Variants in SH3GLB2 observed in about 807,000 individuals in gnomAD.
SH3GLB2 encodes the protein SH3 domain containing GRB2 like, endophilin B2.
A neutral mutation model predicts 48.0 loss-of-function variants in SH3GLB2; 24 were observed. That is an observed-to-expected ratio of 0.50 (90% confidence interval 0.36 to 0.70). The LOEUF (loss-of-function observed/expected upper bound fraction) is 0.70. SH3GLB2 is among the 30% of genes least tolerant of loss of function. The probability of loss-of-function intolerance (pLI) is 0.00; values close to 1 mark genes in which losing one functional copy is unlikely to be tolerated. For synonymous variants in SH3GLB2, 227 were observed against 207.6 expected, an observed-to-expected ratio of 1.09 and a Z score of -0.80; for missense variants, 425 against 516.0, an observed-to-expected ratio of 0.82 and a Z score of 1.71.
chr9:129,009,572 G>A (rs1474556023), intron 9 of SH3GLB2, 199 bp downstream of exon 9: 1 of 1,535,056 alleles, frequency 6.5e-7, no homozygotes, highest in East Asian at 2.4e-5. Flanking sequence ...ACCCTCAGGG[G>A]CTCCAGGGGA....
intron 3 of SH3GLB2, among the ~76,000 whole-genome samples, chr9:129,015,388 C>T (rs78494589): frequency 0.032 from 4,816 of 152,180 alleles, 238 homozygotes; most frequent in African/African-American, 0.11. Context: ...ACATCCATTT[C>T]TGGACTCTGC....
intron 8 of SH3GLB2, 21 bp from the exon 9 acceptor site, chr9:129,009,892 G>A (rs1276013153): frequency 6.2e-7 from 1 of 1,605,996 alleles, no homozygotes; most frequent in East Asian, 2.2e-5. Context: ...GAGGCCAGAG[G>A]CTGACTTCTA....
chr9:129,009,393 C>A (rs765826782), intron 9 of SH3GLB2, 47 bp from the exon 10 acceptor site: 1 of 1,550,710 alleles, frequency 6.4e-7, no homozygotes, highest in Admixed American at 2.0e-5. Context: ...CCAGAAGGGA[C>A]CCCAGAGGCA....
rs978965765 is a variant in SH3GLB2, at chr9:129,007,709, T to C, written c.*975A>G. The C allele has an allele frequency of 3.9e-5, 6 of 152,246 alleles. No individual in the cohort carries two copies. The highest frequency in any genetic ancestry group is 1.2e-4 in the African/African-American group (5 of 41,452). The allele number at this position is 152,246 out of a possible 1,614,324, so 9.4% of individuals were successfully genotyped here. On this transcript the variant is annotated 3_prime_UTR_variant, in exon 11 of 11. Transcript: ENST00000372564. The stretch of plus-strand genomic sequence containing the variant: ...CACATGCTGGGTGAAACGCCCGACC[T>C]GCAGACAGCACTGACCGCTACCCAC...
chr9:129,018,891 C>CAAAAA (rs200724894), intron 3 of SH3GLB2, among the ~76,000 whole-genome samples: 1 of 85,168 alleles, frequency 1.2e-5, no homozygotes. Context: ...GACTCCATCT[C>CAAAAA]AAAAAAAAAA....
chr9:129,020,802 G>A (rs1369162760), intron 3 of SH3GLB2, among the ~76,000 whole-genome samples: 2 of 151,812 alleles, frequency 1.3e-5, no homozygotes, highest in Non-Finnish European at 2.9e-5. Context: ...CCCAGGAGGT[G>A]GAGCTTGCAG....
rs2131255632 is a variant in SH3GLB2 at position 129,014,645 on chromosome 9, G to A, written c.468+126C>T. ...GAGATAGGAGGTCACTCAGTCCAAA[G>A]GAGCCCTCTCTGGGGAGGCCTCAGG... is the stretch of plus-strand genomic sequence containing the variant. On this transcript the variant is annotated intron_variant, in intron 4 of 10. Transcript: ENST00000372564. This position sits in a 1 kb window ranked among gnomAD's most constrained non-coding sequence, Gnocchi z 4.1. The A allele has an allele frequency of 4.0e-6, 6 of 1,494,086 alleles. No homozygotes were observed. The highest frequency in any genetic ancestry group is 5.5e-6 in the Non-Finnish European group (6 of 1,090,430). 92.6% of individuals were successfully genotyped at this position (1,494,086 alleles called of 1,614,324 possible).
chr9:129,013,132 G>T, intron 5 of SH3GLB2: 2 of 1,259,342 alleles, frequency 1.6e-6, no homozygotes, highest in Non-Finnish European at 2.3e-6. Context: ...GACACCAGGC[G>T]GTCGGGCGGA....
intron 6 of SH3GLB2, chr9:129,012,020 A>G (rs1330548297): frequency 5.0e-6 from 2 of 396,416 alleles, no homozygotes; most frequent in Non-Finnish European, 8.9e-6. Context: ...GCAGAGGGAA[A>G]CAAGTCCAGC....
At chr9:129,017,275 T>C (rs1276906440) in intron 3 of SH3GLB2, among the ~76,000 whole-genome samples, 1 of 151,690 alleles carries the variant, frequency 6.6e-6, no homozygotes, top group African/African-American at 2.4e-5. Context: ...TGATAATGAA[T>C]AGGACAAGAC....
At chr9:129,015,775 G>T in intron 3 of SH3GLB2, 1 of 266,128 alleles carries the variant, frequency 3.8e-6, no homozygotes, top group Admixed American at 4.5e-5. Flanking sequence ...CCAGGCGGAA[G>T]GATCATTTGA....
intron 3 of SH3GLB2, among the ~76,000 whole-genome samples, chr9:129,016,596 C>G (rs1039418951): frequency 6.7e-6 from 1 of 149,746 alleles, no homozygotes; most frequent in Non-Finnish European, 1.5e-5. Context: ...AGGTGGAGGT[C>G]GCAGTGAACC....
rs368016700 is a variant in SH3GLB2, at chr9:129,020,827, G to A, written c.334+264C>T. On this transcript the variant is annotated intron_variant, in intron 3 of 10. Transcript: ENST00000372564. ...GGAGCTTGCAGTGAGCCGAGATCAC[G>A]CCACTGCACTCTAGCCTGGGCGACA... 3.1e-4 allele frequency among the ~76,000 whole-genome samples: 47 copies of A among 151,704 alleles called. No individual in the cohort carries two copies. The East Asian group carries it at 4.9e-3, about 16-fold the overall frequency.
chr9:129,008,941 C>T, intron 10 of SH3GLB2, 150 bp from the exon 11 acceptor site: 2 of 1,331,244 alleles, frequency 1.5e-6, no homozygotes, highest in African/African-American at 1.4e-5. Context: ...GCTCCAGAGA[C>T]CCAGCAGAGC....
At chr9:129,020,739 G>A (rs866626688) in intron 3 of SH3GLB2, among the ~76,000 whole-genome samples, 30 of 151,642 alleles carry the variant, frequency 2.0e-4, no homozygotes, top group African/African-American at 5.8e-4. Context: ...GCGTGGTCAC[G>A]GGCGCCTGTA....
chr9:129,022,554 G>T, intron 1 of SH3GLB2, 131 bp from the exon 2 acceptor site: 1 of 741,158 alleles, frequency 1.3e-6, no homozygotes, highest in Non-Finnish European at 2.2e-6. Flanking sequence ...CAAGGAACCA[G>T]CCCTGAGTGT....
At chr9:129,015,572 T>C (rs1016233025) in intron 3 of SH3GLB2, among the ~76,000 whole-genome samples, 3 of 151,874 alleles carry the variant, frequency 2.0e-5, no homozygotes, top group African/African-American at 7.3e-5. Context: ...CTTGTCTTTA[T>C]AAAAAATAAA....
At position 129,011,848 on chromosome 9, in the gene SH3GLB2, A is replaced by C; in HGVS notation, c.624+388T>G. 1 of 194,672 alleles carries C rather than the reference A, an allele frequency of 5.1e-6. No individual in the cohort carries two copies. Among genetic ancestry groups the C allele is most frequent in the Non-Finnish European group, 1.0e-5 (1 of 96,310 alleles). The allele number at this position is 194,672 out of a possible 1,614,324, so 12.1% of individuals were successfully genotyped here. ...CTGTCTTTAGGGGTCTGTGAACTCC[A>C]GAAAGGCACGGCCAGGCCTCCTCCT... On this transcript the variant is annotated intron_variant, in intron 6 of 10. Coordinates refer to ENST00000372564, the MANE Select transcript of SH3GLB2 (RefSeq NM_020145.4). The surrounding 1 kb of genome is among the most constrained non-coding windows in gnomAD (Gnocchi z 4.5).
At chr9:129,019,183 T>G (rs936957342) in intron 3 of SH3GLB2, among the ~76,000 whole-genome samples, 1 of 151,708 alleles carries the variant, frequency 6.6e-6, no homozygotes, top group African/African-American at 2.4e-5. Context: ...CTTAGGAGTT[T>G]GAGATCAGCC....
Sources: allele counts gnomAD v4.1 joint callset (sites outside exome capture counted in the v4.1 genomes callset), GRCh38; gene constraint gnomAD v4.1.1; non-coding constraint Gnocchi (gnomAD v3.1); transcripts MANE v1.5; gene names NCBI Gene and HGNC (gene_info 2026-07-23, HGNC 2026-07-21).